SNX8: variants seen among roughly 807,000 people sequenced by gnomAD.
The protein encoded by SNX8 is sorting nexin-8.
SNX8 carries 25 observed loss-of-function variants against 51.6 expected under a neutral mutation model. The ratio of observed to expected loss-of-function variants is 0.48; its 90% CI spans 0.35 to 0.68. The LOEUF is 0.68. Ranked by LOEUF, SNX8 falls within the 30% of genes least tolerant of loss-of-function variation. The pLI is 0.00. For synonymous variants in SNX8, 324 were observed against 277.0 expected, an observed-to-expected ratio of 1.17 and a Z score of -1.68; for missense variants, 695 against 624.0, an observed-to-expected ratio of 1.11 and a Z score of -1.21.
intron 1 of SNX8, among the ~76,000 whole-genome samples, chr7:2,347,300 G>A (rs752626136): frequency 5.9e-5 from 9 of 151,874 alleles, no homozygotes; most frequent in Non-Finnish European, 1.0e-4. Context: ...TGGCTAACAC[G>A]GCGAAACCTG....
chr7:2,259,436 G>A (rs1016732067), intron 7 of SNX8, among the ~76,000 whole-genome samples: 1 of 152,228 alleles, frequency 6.6e-6, no homozygotes, highest in Non-Finnish European at 1.5e-5. Flanking sequence ...CTCACCCCAC[G>A]CACTGCACGT....
At chr7:2,283,361 C>G (rs546541743) in intron 1 of SNX8, among the ~76,000 whole-genome samples, 1 of 152,186 alleles carries the variant, frequency 6.6e-6, no homozygotes, top group African/African-American at 2.4e-5. Flanking sequence ...GCTGACCCAG[C>G]GTGGGGCTAC....
chr7:2,315,534 A>C (rs1796739661), upstream of SNX8, among the ~76,000 whole-genome samples: 1 of 149,302 alleles, frequency 6.7e-6, no homozygotes, highest in Non-Finnish European at 1.5e-5. Context: ...CACTCACTGC[A>C]TCCTGCATTC....
chr7:2,340,289 C>T (rs2115244587), intron 1 of SNX8, among the ~76,000 whole-genome samples: 1 of 150,706 alleles, frequency 6.6e-6, no homozygotes, highest in Non-Finnish European at 1.5e-5. Context: ...TCAGGCTGGT[C>T]TCGAACTCCC....
At chr7:2,309,882 G>C (rs1465269710) in intron 1 of SNX8, 1 of 471,106 alleles carries the variant, frequency 2.1e-6, no homozygotes, top group East Asian at 6.9e-5. Context: ...AAGAGGGGAA[G>C]GCTCGGGGCA....
intron 1 of SNX8, among the ~76,000 whole-genome samples, chr7:2,350,045 G>T (rs1446671501): frequency 2.0e-5 from 3 of 151,988 alleles, no homozygotes; most frequent in Non-Finnish European, 4.4e-5. Context: ...CCGGTTCATG[G>T]CTCCCAGGCT....
chr7:2,304,866 C>A (rs920840566), intron 1 of SNX8, among the ~76,000 whole-genome samples: 2 of 152,124 alleles, frequency 1.3e-5, no homozygotes, highest in Non-Finnish European at 2.9e-5. Context: ...GACAGGTCCA[C>A]CCCCAGCCTG....
rs780548820 is a variant in SNX8, at chr7:2,257,526, G to C, written c.985-12C>G. ...CGCTCGCACAGGTCCTGCGGGGCCG[G>C]GGGAGGCATTCGCCCGCTGTCTGGA... On this transcript the variant is annotated splice_polypyrimidine_tract_variant and intron_variant, in intron 8 of 10. Transcript: ENST00000222990. 3 of 1,601,062 alleles carry C rather than the reference G, an allele frequency of 1.9e-6. No homozygotes were observed. Among genetic ancestry groups the C allele is most frequent in the South Asian group, 1.1e-5 (1 of 90,710 alleles).
chr7:2,348,751 A>G (rs1583130877), intron 1 of SNX8, among the ~76,000 whole-genome samples: 1 of 151,672 alleles, frequency 6.6e-6, no homozygotes, highest in East Asian at 2.0e-4. Context: ...GTTCAAGGCC[A>G]GCTGGCCAAC....
At chr7:2,280,824 G>A (rs1272457519) in intron 1 of SNX8, among the ~76,000 whole-genome samples, 2 of 136,876 alleles carry the variant, frequency 1.5e-5, no homozygotes, top group African/African-American at 5.5e-5. Flanking sequence ...ACAGAGTCTC[G>A]CTCTGTTGCC....
rs183891930 is a variant in SNX8, at chr7:2,324,279, T to C, written c.-66+29943A>G. ...GGGCAACGTAGTGACACCCCATCTC[T>C]ATTTTCTTTCTTTCTTTTTTTTTTT... On this transcript the variant is annotated intron_variant, in intron 1 of 5. Transcript: ENST00000435336. Among the ~76,000 whole-genome samples the C allele has an allele frequency of 2.2e-3, 335 of 149,842 alleles. 2 individuals are homozygous for C. Among genetic ancestry groups the C allele is most frequent in the Non-Finnish European group, 4.3e-3 (290 of 67,546 alleles).
At chr7:2,347,082 TG>T (rs1779045770) in intron 1 of SNX8, among the ~76,000 whole-genome samples, 1 of 152,050 alleles carries the variant, frequency 6.6e-6, no homozygotes, top group Non-Finnish European at 1.5e-5. Flanking sequence ...AATCCAGCCA[TG>T]GGAGCCTGAG....
intron 2 of SNX8, among the ~76,000 whole-genome samples, chr7:2,275,656 C>T (rs997348567): frequency 1.3e-5 from 2 of 151,376 alleles, no homozygotes; most frequent in Admixed American, 1.3e-4. Context: ...GATCCAAGAT[C>T]GTGCCACTGC....
rs563557441 is a variant in SNX8 at position 2,278,266 on chromosome 7, A to ACGATGGCCTGGGGCT, written c.119_133dup (p.Glu40_Ile44dup). 34 of 1,602,320 alleles carry ACGATGGCCTGGGGCT rather than the reference A, an allele frequency of 2.1e-5. No homozygotes were observed. The highest frequency in any genetic ancestry group is 2.7e-5 in the African/African-American group (2 of 74,738). ...TCGACTGGGGGCTGGGACCTGCTGCACGATGGCCTGGGGCTCGATGGCCTG... is the reference window on the plus strand; with the variant it reads ...TCGACTGGGGGCTGGGACCTGCTGCACGATGGCCTGGGGCTCGATGGCCTGGGGCTCGATGGCCTG... On this transcript the variant is annotated inframe_insertion, in exon 2 of 11. Coordinates refer to ENST00000222990, the MANE Select transcript of SNX8 (RefSeq NM_013321.4).
chr7:2,257,333 C>G (rs747608408), intron 9 of SNX8, 32 bp downstream of exon 9: 2 of 1,591,786 alleles, frequency 1.3e-6, no homozygotes, highest in Non-Finnish European at 1.7e-6. Context: ...GGAAAGGCTC[C>G]CACGGGCCTG....
At chr7:2,344,030 T>A (rs1208858393) in intron 1 of SNX8, among the ~76,000 whole-genome samples, 3 of 107,098 alleles carry the variant, frequency 2.8e-5, no homozygotes, top group African/African-American at 1.1e-4. Context: ...CAAAACTCCA[T>A]CTCAAAAAAA....
intron 1 of SNX8, chr7:2,287,894 G>GA (rs372127586): frequency 1.6e-3 from 217 of 132,826 alleles, no homozygotes; most frequent in Admixed American, 1.6e-3. Context: ...TGGGCGAGCA[G>GA]AAAAAAAAAA....
chr7:2,325,823 C>G (rs1371443425), intron 1 of SNX8, among the ~76,000 whole-genome samples: 1 of 145,256 alleles, frequency 6.9e-6, no homozygotes, highest in Admixed American at 6.7e-5. Context: ...CAGAGCAAGA[C>G]TCTGTCTCAA....
intron 1 of SNX8, chr7:2,299,363 T>C (rs967830657): frequency 6.6e-6 from 1 of 151,842 alleles, no homozygotes; most frequent in African/African-American, 2.4e-5. Context: ...TGATTTCCTC[T>C]GACTCAAATC....
Sources: gnomAD v4.1 joint callset for allele counts (sites outside exome capture counted in the v4.1 genomes callset) on GRCh38, gnomAD v4.1.1 for gene constraint, MANE v1.5 for transcripts, NCBI Gene and HGNC (gene_info 2026-07-23, HGNC 2026-07-21) for gene names.